The following BICRAL variants were observed in gnomAD, a reference collection of about 807,000 sequenced individuals.
The protein encoded by BICRAL is BICRA like chromatin remodeling complex associated protein, also known as BRD4-interacting chromatin-remodeling complex-associated protein-like.
BICRAL carries 8 observed loss-of-function variants against 91.8 expected under a neutral mutation model. The observed-to-expected ratio is 0.09, with a 90% CI of 0.05 to 0.16. The LOEUF (loss-of-function observed/expected upper bound fraction) is 0.16. Ranked by LOEUF, BICRAL falls within the 10% of genes least tolerant of loss-of-function variation. The pLI, the probability that BICRAL is intolerant of heterozygous loss-of-function variation, is 1.00. For missense variants in BICRAL, 1,038 were observed against 1,310.9 expected, an observed-to-expected ratio of 0.79 and a Z score of 3.21; for synonymous variants, 445 against 491.1, an observed-to-expected ratio of 0.91 and a Z score of 1.24.
chr6:42,835,715 C>T (rs575019688), intron 6 of BICRAL, among the ~76,000 whole-genome samples: 6 of 152,232 alleles, frequency 3.9e-5, no homozygotes, highest in African/African-American at 1.4e-4. Flanking sequence ...GGGCAGATTG[C>T]TTGAGCTCAG....
chr6:42,818,362 A>T (rs1408665860), intron 2 of BICRAL, among the ~76,000 whole-genome samples: 3 of 152,244 alleles, frequency 2.0e-5, no homozygotes, highest in East Asian at 3.9e-4. Context: ...TGATAAAAAA[A>T]TTTTCCTTAT....
chr6:42,815,851 G>A (rs934016170), intron 2 of BICRAL, among the ~76,000 whole-genome samples: 1 of 151,608 alleles, frequency 6.6e-6, no homozygotes, highest in African/African-American at 2.4e-5. Flanking sequence ...GCCAGGCATG[G>A]TGGTGTGGCC....
At chr6:42,802,331 A>G in intron 1 of BICRAL, among the ~76,000 whole-genome samples, 1 of 152,236 alleles carries the variant, frequency 6.6e-6, no homozygotes, top group East Asian at 1.9e-4. Flanking sequence ...TCAGATAAGT[A>G]TCAGAGCAGT....
intron 2 of BICRAL, among the ~76,000 whole-genome samples, chr6:42,816,415 G>A (rs1341118592): frequency 6.6e-6 from 1 of 151,822 alleles, no homozygotes; most frequent in Non-Finnish European, 1.5e-5. Context: ...AGCCTTACTT[G>A]AGGTTCTTTT....
intron 6 of BICRAL, among the ~76,000 whole-genome samples, chr6:42,833,554 T>C (rs1764560080): frequency 6.6e-6 from 1 of 151,858 alleles, no homozygotes; most frequent in African/African-American, 2.4e-5. Context: ...TTCAAGCAAT[T>C]CTCCTGCCTC....
chr6:42,808,690 T>C (rs941935631), intron 1 of BICRAL, among the ~76,000 whole-genome samples: 2 of 152,190 alleles, frequency 1.3e-5, no homozygotes, highest in South Asian at 4.2e-4. Context: ...GGGGGAGAGA[T>C]GGGAGTGTGA....
chr6:42,791,170 T>G (rs1335769278), intron 1 of BICRAL, among the ~76,000 whole-genome samples: 1 of 151,420 alleles, frequency 6.6e-6, no homozygotes, highest in African/African-American at 2.4e-5. Context: ...CTTCCCTACC[T>G]CGTATGTACT....
rs773062710 is a variant in BICRAL at position 42,865,463 on chromosome 6, C to G, written c.*17C>G. On this transcript the variant is annotated 3_prime_UTR_variant, in exon 13 of 13. Transcript: ENST00000314073. ...GAGTGTTAATAGCAGCAGTCCTCCC[C>G]CTACCCCGCCCCGAGACCCCACCCC... 2 of 1,523,248 alleles carry G rather than the reference C, an allele frequency of 1.3e-6. No homozygotes were observed. The allele number at this position is 1,523,248 out of a possible 1,614,324, so 94.4% of individuals were successfully genotyped here.
At chr6:42,816,421 C>A (rs1205040644) in intron 2 of BICRAL, among the ~76,000 whole-genome samples, 1 of 151,472 alleles carries the variant, frequency 6.6e-6, no homozygotes, top group African/African-American at 2.4e-5. Context: ...ACTTGAGGTT[C>A]TTTTTAAATT....
At chr6:42,821,222 C>T (rs1764127970) in intron 2 of BICRAL, 1 of 152,226 alleles carries the variant, frequency 6.6e-6, no homozygotes, top group South Asian at 2.1e-4. Flanking sequence ...GTGTAAGTTT[C>T]CCAGTCTGTG....
At chr6:42,766,284 G>A (rs1762631630) in intron 1 of BICRAL, among the ~76,000 whole-genome samples, 1 of 152,198 alleles carries the variant, frequency 6.6e-6, no homozygotes, top group Non-Finnish European at 1.5e-5. Context: ...AATCTTGGGG[G>A]TAAGAGAGAG....
At chr6:42,823,189 G>A (rs1229034276) in intron 5 of BICRAL, among the ~76,000 whole-genome samples, 186 bp downstream of exon 5, 5 of 152,030 alleles carry the variant, frequency 3.3e-5, no homozygotes, top group South Asian at 4.1e-4. Context: ...GCAGTGGTGC[G>A]ATCACAGCTC....
chr6:42,770,479 A>G (rs1052786912), intron 1 of BICRAL, among the ~76,000 whole-genome samples: 9 of 148,640 alleles, frequency 6.1e-5, no homozygotes, highest in African/African-American at 2.3e-4. Flanking sequence ...CAGTGGCGCA[A>G]TCTCAGCTCA....
At position 42,845,175 on chromosome 6, in the gene BICRAL, CTGTTTTTTGTTTTTTGGG is replaced by C. The variant is rs1423574005; in HGVS notation, c.1840-6908_1840-6891del. On this transcript the variant is annotated intron_variant, in intron 6 of 12. Coordinates refer to ENST00000314073, the MANE Select transcript of BICRAL (RefSeq NM_001393499.1). ...GTTTGGTATCCTTCGGCTGCCTTCT[CTGTTTTTTGTTTTTTGGG>C]TGTTTTTTTTTTTTTTTTTTTTTTT... Among the ~76,000 whole-genome samples, 73 of 78,996 alleles carry C rather than the reference CTGTTTTTTGTTTTTTGGG, an allele frequency of 9.2e-4. 1 individual carries two copies. Among genetic ancestry groups the C allele is most frequent in the Non-Finnish European group, 1.6e-3 (64 of 41,240 alleles). The allele number at this position is 78,996 out of a possible 152,430, so 51.8% of individuals were successfully genotyped here. A position where few individuals can be genotyped will look rare whatever the true frequency, so the allele number is the denominator to read the frequency against.
At chr6:42,800,776 T>G (rs542930532) in intron 1 of BICRAL, among the ~76,000 whole-genome samples, 1 of 152,326 alleles carries the variant, frequency 6.6e-6, no homozygotes, top group South Asian at 2.1e-4. Flanking sequence ...TGTATCTTCC[T>G]TGGTAACATT....
intron 2 of BICRAL, among the ~76,000 whole-genome samples, chr6:42,814,153 T>C (rs994353280): frequency 2.0e-5 from 3 of 150,976 alleles, no homozygotes; most frequent in Admixed American, 6.7e-5. Flanking sequence ...TAGGAAGTTA[T>C]GACTCATGTT....
chr6:42,862,698 G>A (rs1765591307), intron 12 of BICRAL, 86 bp downstream of exon 12: 2 of 832,452 alleles, frequency 2.4e-6, no homozygotes, highest in Admixed American at 1.9e-5. Context: ...CTGAACTTTG[G>A]GTAAGAAACT....
At chr6:42,849,662 G>C (rs963062168) in intron 6 of BICRAL, among the ~76,000 whole-genome samples, 5 of 151,204 alleles carry the variant, frequency 3.3e-5, no homozygotes, top group Non-Finnish European at 7.4e-5. Flanking sequence ...GATTGTCTCT[G>C]TCTCCTGACC....
chr6:42,856,996 C>G (rs1765379826), intron 9 of BICRAL, 95 bp from the exon 10 acceptor site: 1 of 1,045,536 alleles, frequency 9.6e-7, no homozygotes, highest in East Asian at 2.5e-5. Context: ...CGTATTATTC[C>G]TATATATCTT....
Sources: allele counts gnomAD v4.1 joint callset (sites outside exome capture counted in the v4.1 genomes callset), GRCh38; gene constraint gnomAD v4.1.1; transcripts MANE v1.5; gene names NCBI Gene and HGNC (gene_info 2026-07-23, HGNC 2026-07-21).